Variants in AAMDC observed in about 807,000 individuals in gnomAD.
AAMDC encodes the protein adipogenesis associated Mth938 domain containing.
A neutral mutation model predicts 15.5 loss-of-function variants in AAMDC; 16 were observed. That is an observed-to-expected ratio of 1.03 (90% CI 0.70 to 1.57). The LOEUF (loss-of-function observed/expected upper bound fraction) is 1.57. AAMDC is among the 40% of genes most tolerant of loss of function. The pLI is 0.00. For missense variants in AAMDC, 141 were observed against 144.9 expected (o/e 0.97, Z 0.14); for synonymous variants, 51 against 51.6 (o/e 0.99, Z 0.05).
At chr11:77,834,733 G>A (rs1214550182) in intron 1 of AAMDC, among the ~76,000 whole-genome samples, 1 of 151,952 alleles carries the variant, frequency 6.6e-6, no homozygotes, top group Admixed American at 6.6e-5. Context: ...GGATTTTAAG[G>A]GTAATTCAAA....
chr11:77,883,210 G>C (rs534331087), intron 5 of AAMDC, among the ~76,000 whole-genome samples: 6 of 152,198 alleles, frequency 3.9e-5, no homozygotes, highest in African/African-American at 1.2e-4. Context: ...CAGTAACAGT[G>C]CTCCTGAACC....
At chr11:77,822,857 C>T (rs912205273) in intron 1 of AAMDC, among the ~76,000 whole-genome samples, 8 of 152,172 alleles carry the variant, frequency 5.3e-5, no homozygotes, top group Non-Finnish European at 1.2e-4. Context: ...GAAGTATACA[C>T]TTAAAGTGGT....
chr11:77,878,951 A>G (rs776901103), intron 5 of AAMDC: 1 of 1,613,608 alleles, frequency 6.2e-7, no homozygotes, highest in South Asian at 1.1e-5. Flanking sequence ...TTTTTGCCTT[A>G]GCGCCGTGCA....
rs1196814912 is a variant in AAMDC at position 77,891,536 on chromosome 11, T to A, written c.329-9035T>A. On this transcript the variant is annotated intron_variant, in intron 5 of 5. Coordinates refer to the AAMDC transcript ENST00000304716. ...GATGAGAAAACGCATCTTTTTTCTG[T>A]CTCCTTATCTAATGAGTGGGCATGT... The A allele has an allele frequency of 2.5e-6, 4 of 1,582,784 alleles. No homozygotes were observed. The Admixed American group carries it at 5.2e-5, about 21-fold the overall frequency.
rs1009485969 is a variant in AAMDC at position 77,849,503 on chromosome 11, C to T, written c.132+6875C>T. Among the ~76,000 whole-genome samples the T allele has an allele frequency of 2.0e-5, 3 of 152,144 alleles. No individual in the cohort carries two copies. In the East Asian group the frequency reaches 5.8e-4, roughly 29 times the overall value. ...CCTCTCAAAGTGCTGGGATTATTGGCGTGAGCCACTGCACCCGGCCTAATT... is the reference window on the plus strand; with the variant it reads ...CCTCTCAAAGTGCTGGGATTATTGGTGTGAGCCACTGCACCCGGCCTAATT... On this transcript the variant is annotated intron_variant, in intron 2 of 3. Coordinates refer to ENST00000393427, the MANE Select transcript of AAMDC (RefSeq NM_024684.4).
chr11:77,859,088 T>C (rs1437011681), intron 2 of AAMDC, among the ~76,000 whole-genome samples: 5 of 152,212 alleles, frequency 3.3e-5, no homozygotes, highest in Non-Finnish European at 2.9e-5. Flanking sequence ...ATAATTTCCA[T>C]TGGTTAGCTG....
chr11:77,887,932 A>G lies in AAMDC; in HGVS notation c.328+10883A>G, dbSNP rs547171294. On this transcript the variant is annotated intron_variant, in intron 5 of 5. Transcript: ENST00000304716. ...CTCAATGAAATAAAAGAGGATACAA[A>G]CAAATGGAAAAACATTCCATGCTCA... Among the ~76,000 whole-genome samples the G allele has an allele frequency of 1.7e-3, 254 of 152,374 alleles. 1 individual carries two copies. Among genetic ancestry groups the G allele is most frequent in the African/African-American group, 5.9e-3 (247 of 41,586 alleles).
At chr11:77,861,619 A>G (rs945550142) in intron 2 of AAMDC, among the ~76,000 whole-genome samples, 2 of 152,210 alleles carry the variant, frequency 1.3e-5, no homozygotes, top group African/African-American at 4.8e-5. Flanking sequence ...TTCCCTTGAC[A>G]TAACGGGCAT....
intron 1 of AAMDC, among the ~76,000 whole-genome samples, chr11:77,835,200 T>A (rs1052877560): frequency 1.3e-5 from 2 of 152,190 alleles, no homozygotes; most frequent in Non-Finnish European, 2.9e-5. Context: ...CTGAAACCTT[T>A]CAGGAAATTT....
At chr11:77,881,216 A>ATTCTC (rs1951779573) in intron 5 of AAMDC, among the ~76,000 whole-genome samples, 1 of 152,200 alleles carries the variant, frequency 6.6e-6, no homozygotes, top group Non-Finnish European at 1.5e-5. Context: ...TTCTCATCTT[A>ATTCTC]ATGAGACAGG....
chr11:77,885,334 C>A (rs1366568398), intron 5 of AAMDC, among the ~76,000 whole-genome samples: 1 of 152,078 alleles, frequency 6.6e-6, no homozygotes, highest in Non-Finnish European at 1.5e-5. Context: ...ACTTCAGCCT[C>A]CCAAAGTGTT....
At chr11:77,873,723 A>C (rs1433659473), downstream of AAMDC, among the ~76,000 whole-genome samples, 1 of 152,216 alleles carries the variant, frequency 6.6e-6, no homozygotes, top group Non-Finnish European at 1.5e-5. Context: ...TCCCACTAGG[A>C]TGGAAGGAAA....
chr11:77,851,965 T>C (rs773182823), intron 2 of AAMDC, among the ~76,000 whole-genome samples: 2 of 152,132 alleles, frequency 1.3e-5, no homozygotes, highest in Non-Finnish European at 2.9e-5. Context: ...AACAGTTGCA[T>C]ACCATCAATT....
intron 1 of AAMDC, among the ~76,000 whole-genome samples, chr11:77,823,004 A>T (rs551295334): frequency 6.6e-6 from 1 of 152,274 alleles, no homozygotes; most frequent in East Asian, 1.9e-4. Context: ...TCACGAGGTC[A>T]GGAGATCAAG....
In AAMDC at chr11:77,860,781, CT is replaced by C. The variant is rs539275172; in HGVS notation, c.133-8939del. On this transcript the variant is annotated intron_variant, in intron 2 of 3. Transcript: ENST00000393427. ...GTACAGGGATGCAGAAAAAGGCATC[CT>C]TAAGGTCCAGGACTGTAAACCACTC... Among the ~76,000 whole-genome samples the C allele has an allele frequency of 2.4e-3, 365 of 152,238 alleles. 1 individual carries two copies. Among genetic ancestry groups the C allele is most frequent in the African/African-American group, 8.6e-3 (356 of 41,550 alleles).
At chr11:77,842,157 TTTC>T in intron 1 of AAMDC, among the ~76,000 whole-genome samples, 1 of 152,282 alleles carries the variant, frequency 6.6e-6, no homozygotes, top group East Asian at 1.9e-4. Flanking sequence ...AGCTTTATAG[TTTC>T]TTCTTGGGGA....
intron 1 of AAMDC, among the ~76,000 whole-genome samples, chr11:77,825,144 C>G (rs1409066008): frequency 6.6e-6 from 1 of 152,058 alleles, no homozygotes; most frequent in Non-Finnish European, 1.5e-5. Flanking sequence ...CCATGCCCGG[C>G]TAATTTTTTT....
chr11:77,863,382 C>A (rs892014795), intron 2 of AAMDC, among the ~76,000 whole-genome samples: 1 of 152,024 alleles, frequency 6.6e-6, no homozygotes, highest in Non-Finnish European at 1.5e-5. Flanking sequence ...AAACTCAGCT[C>A]GAGCCATAAC....
chr11:77,840,922 A>T, intron 1 of AAMDC: 1 of 401,660 alleles, frequency 2.5e-6, no homozygotes, highest in Non-Finnish European at 4.5e-6. Context: ...AAATGTCTTA[A>T]TCCATTTTGT....
Sources: allele counts gnomAD v4.1 joint callset (sites outside exome capture counted in the v4.1 genomes callset), GRCh38; gene constraint gnomAD v4.1.1; transcripts MANE v1.5; gene names NCBI Gene and HGNC (gene_info 2026-07-23, HGNC 2026-07-21).